The following MRPS6 variants were observed in gnomAD, a reference collection of about 807,000 sequenced individuals.
MRPS6 encodes the protein mitochondrial ribosomal protein S6, also known as small ribosomal subunit protein bS6m.
In MRPS6, 6 loss-of-function variants were observed where a neutral mutation model predicts 13.1. The ratio of observed to expected loss-of-function variants is 0.46; its 90% CI spans 0.25 to 0.91. MRPS6 has a LOEUF of 0.91. Among genes scored for constraint, MRPS6 ranks in the 40% least tolerant of loss-of-function variants. MRPS6 has a pLI of 0.18. For missense variants in MRPS6, 164 were observed against 155.6 expected, an observed-to-expected ratio of 1.05 and a Z score of -0.29; for synonymous variants, 61 against 56.5, an observed-to-expected ratio of 1.08 and a Z score of -0.36.
At chr21:34,133,211 T>G (rs996876613) in intron 2 of MRPS6, among the ~76,000 whole-genome samples, 1 of 152,222 alleles carries the variant, frequency 6.6e-6, no homozygotes, top group African/African-American at 2.4e-5. Flanking sequence ...TTCAGAAATA[T>G]GAGGTTTCTG....
intron 1 of MRPS6, chr21:34,095,297 A>G (rs759882740): frequency 1.3e-5 from 21 of 1,614,090 alleles, no homozygotes; most frequent in Non-Finnish European, 1.8e-5. Flanking sequence ...AATCTAATAG[A>G]AGCACCGTGA....
In MRPS6 at chr21:34,077,310, A is replaced by G. The variant is rs115295321; in HGVS notation, c.45+3565A>G. On this transcript the variant is annotated intron_variant, in intron 1 of 2. Transcript: ENST00000399312. ...TAGACACTTTTTATGCCTTGGGTAT[A>G]CAGGAAGAAGAAATCTGAGGAAAGA... Among the ~76,000 whole-genome samples the G allele has an allele frequency of 9.4e-3, 1,432 of 152,344 alleles. 30 individuals are homozygous for G. The highest frequency in any genetic ancestry group is 0.033 in the African/African-American group (1,362 of 41,566).
At chr21:34,136,622 G>C (rs181604326) in intron 2 of MRPS6, among the ~76,000 whole-genome samples, 21 of 152,198 alleles carry the variant, frequency 1.4e-4, no homozygotes, top group Non-Finnish European at 2.6e-4. Flanking sequence ...TGAAATGTCT[G>C]TTCAAATCTT....
chr21:34,110,363 C>T (rs562111073), intron 1 of MRPS6, among the ~76,000 whole-genome samples: 1 of 151,490 alleles, frequency 6.6e-6, no homozygotes, highest in South Asian at 2.1e-4. Flanking sequence ...ACTCAAGAGG[C>T]CAGCTACTCA....
At chr21:34,100,635 ACT>A (rs1431223726) in intron 1 of MRPS6, 1 of 999,924 alleles carries the variant, frequency 1.0e-6, no homozygotes, top group East Asian at 1.1e-4. Flanking sequence ...GGGACCCATC[ACT>A]CTGTGAAACT....
chr21:34,113,185 C>T lies in MRPS6; in HGVS notation c.46-12156C>T, dbSNP rs114699237. Among the ~76,000 whole-genome samples the T allele has an allele frequency of 5.3e-3, 805 of 152,194 alleles. 9 individuals are homozygous for T. Among genetic ancestry groups the T allele is most frequent in the African/African-American group, 0.017 (703 of 41,522 alleles). On this transcript the variant is annotated intron_variant, in intron 1 of 2. Coordinates refer to ENST00000399312, the MANE Select transcript of MRPS6 (RefSeq NM_032476.4). Reference sequence around the variant, plus strand: ...TGTGGCAAACAGTATGGAGATTTCTCAAAATATTAAAAATAGGATGACCAT... The same window carrying T: ...TGTGGCAAACAGTATGGAGATTTCTTAAAATATTAAAAATAGGATGACCAT...
chr21:34,074,738 A>G (rs1989284418), intron 1 of MRPS6, among the ~76,000 whole-genome samples: 1 of 152,248 alleles, frequency 6.6e-6, no homozygotes, highest in East Asian at 1.9e-4. Context: ...CTTTGTAAGC[A>G]CAGCTTCCTA....
chr21:34,111,913 G>C (rs1979715868), intron 1 of MRPS6, among the ~76,000 whole-genome samples: 1 of 147,332 alleles, frequency 6.8e-6, no homozygotes, highest in South Asian at 2.1e-4. Context: ...ATTTGGTTTT[G>C]TATTTTAATC....
In MRPS6 at chr21:34,096,159, AGGAT is replaced by A; in HGVS notation, c.45+22415_45+22418del. ...CATAGTTGTCCCAGGAATGATTTCC[AGGAT>A]ACTGTTTACTGATGATATAGCTTGC... On this transcript the variant is annotated intron_variant, in intron 1 of 2. Coordinates refer to ENST00000399312, the MANE Select transcript of MRPS6 (RefSeq NM_032476.4). This position sits in a 1 kb window ranked among gnomAD's most constrained non-coding sequence, Gnocchi z 5.9. 1 of 1,614,098 alleles carries A rather than the reference AGGAT, an allele frequency of 6.2e-7. No individual in the cohort carries two copies. The highest frequency in any genetic ancestry group is 8.5e-7 in the Non-Finnish European group (1 of 1,179,958).
At chr21:34,125,965 A>G (rs578197194) in intron 2 of MRPS6, among the ~76,000 whole-genome samples, 1 of 152,330 alleles carries the variant, frequency 6.6e-6, no homozygotes, top group South Asian at 2.1e-4. Context: ...TTTGTCTCCT[A>G]CTGTGTACAG....
At chr21:34,097,231 T>G (rs781226805) in intron 1 of MRPS6, 1 of 1,614,060 alleles carries the variant, frequency 6.2e-7, no homozygotes, top group South Asian at 1.1e-5. Flanking sequence ...AGAGACCTGA[T>G]GGAAGAGGAG....
intron 2 of MRPS6, among the ~76,000 whole-genome samples, chr21:34,140,096 A>T (rs1980856931): frequency 6.6e-6 from 1 of 151,704 alleles, no homozygotes; most frequent in African/African-American, 2.4e-5. Context: ...GGTTTCATTG[A>T]TGTTCTCTGT....
In MRPS6 at chr21:34,096,960, A is replaced by G. The variant is rs753256176; in HGVS notation, c.45+23215A>G. On this transcript the variant is annotated intron_variant, in intron 1 of 2. Transcript: ENST00000399312. The surrounding 1 kb of genome is among the most constrained non-coding windows in gnomAD (Gnocchi z 5.9). ...TGAGACCATCAACCACATCATTCCC[A>G]ACGGGAAATCTGAAGACAGCATTAA... The G allele has an allele frequency of 1.6e-5, 26 of 1,614,010 alleles. No homozygotes were observed. Among genetic ancestry groups the G allele is most frequent in the Non-Finnish European group, 2.2e-5 (26 of 1,179,996 alleles).
intron 1 of MRPS6, among the ~76,000 whole-genome samples, chr21:34,074,448 TC>T (rs1233045630): frequency 6.6e-6 from 1 of 152,258 alleles, no homozygotes; most frequent in Non-Finnish European, 1.5e-5. Context: ...GAAGACACTT[TC>T]TTCCCCCTGC....
intron 2 of MRPS6, among the ~76,000 whole-genome samples, chr21:34,132,048 C>T (rs571800622): frequency 1.3e-4 from 20 of 152,340 alleles, no homozygotes; most frequent in Admixed American, 4.6e-4. Context: ...GAAGGTCATT[C>T]CTGTGTGGGA....
At chr21:34,138,867 G>A (rs916091676) in intron 2 of MRPS6, among the ~76,000 whole-genome samples, 3 of 152,006 alleles carry the variant, frequency 2.0e-5, no homozygotes, top group Non-Finnish European at 4.4e-5. Flanking sequence ...AAATCATGCT[G>A]CTATAAAGAC....
At chr21:34,126,427 C>T (rs780096677) in intron 2 of MRPS6, among the ~76,000 whole-genome samples, 2 of 152,238 alleles carry the variant, frequency 1.3e-5, no homozygotes, top group Non-Finnish European at 2.9e-5. Context: ...TTCTGCCGTG[C>T]TGCAAATTTC....
intron 1 of MRPS6, among the ~76,000 whole-genome samples, chr21:34,074,199 C>T (rs896726951): frequency 1.3e-5 from 2 of 150,532 alleles, no homozygotes; most frequent in Non-Finnish European, 3.0e-5. Context: ...CCGCCGCCCG[C>T]CGGCTGCCGC....
At chr21:34,111,456 C>T (rs1053712474) in intron 1 of MRPS6, among the ~76,000 whole-genome samples, 1 of 152,178 alleles carries the variant, frequency 6.6e-6, no homozygotes, top group African/African-American at 2.4e-5. Flanking sequence ...GTTATCCCCT[C>T]CCCCACTTCT....
Sources: gnomAD v4.1 joint callset for allele counts (sites outside exome capture counted in the v4.1 genomes callset) on GRCh38, gnomAD v4.1.1 for gene constraint, Gnocchi (gnomAD v3.1) non-coding constraint, MANE v1.5 for transcripts, NCBI Gene and HGNC (gene_info 2026-07-23, HGNC 2026-07-21) for gene names.